The following FRMD8 variants were observed in gnomAD, a reference collection of about 807,000 sequenced individuals.
FRMD8 encodes FERM domain containing 8.
In FRMD8, 37 loss-of-function variants were observed where a neutral mutation model predicts 54.2. That is an observed-to-expected ratio of 0.68 (90% CI 0.53 to 0.90). FRMD8 has a LOEUF of 0.90. Ranked by LOEUF, FRMD8 falls within the 40% of genes least tolerant of loss-of-function variation. The probability of loss-of-function intolerance (pLI) is 0.00; values close to 1 mark genes in which losing one functional copy is unlikely to be tolerated. For missense variants in FRMD8, 585 were observed against 653.7 expected (o/e 0.89, Z 1.15); for synonymous variants, 246 against 286.9 (o/e 0.86, Z 1.44).
At position 65,411,576 on chromosome 11, in the gene FRMD8, C is replaced by A; in HGVS notation, c.*216C>A. ...GGCCTCCTGTAGGGCTCCTCTGCAG[C>A]CTGCCCTCCCTTCCCCCGGATGCTG... On this transcript the variant is annotated 3_prime_UTR_variant, in exon 11 of 11. Transcript: ENST00000317568. 1 of 454,578 alleles carries A rather than the reference C, an allele frequency of 2.2e-6. No individual in the cohort carries two copies. The highest frequency in any genetic ancestry group is 3.9e-6 in the Non-Finnish European group (1 of 253,996). The allele number at this position is 454,578 out of a possible 1,614,324, so 28.2% of individuals were successfully genotyped here.
the FRMD8 span, chr11:65,380,053 G>A: frequency 6.3e-6 from 10 of 1,582,682 alleles, no homozygotes; most frequent in South Asian, 4.4e-5. Context: ...GGCAAGATTA[G>A]CCAGGCCTGA....
chr11:65,376,886 G>A, the FRMD8 span: 13 of 1,614,070 alleles, frequency 8.1e-6, no homozygotes, highest in Middle Eastern at 1.6e-4. Flanking sequence ...GATCCCCACC[G>A]TGGGGGTGTC....
At chr11:65,379,580 G>C in the FRMD8 span, 2 of 1,593,590 alleles carry the variant, frequency 1.3e-6, no homozygotes, top group South Asian at 1.1e-5. Context: ...AGACACAGTG[G>C]CAGCGGAGTA....
At position 65,404,944 on chromosome 11, in the gene FRMD8, G is replaced by A. The variant is rs570873728; in HGVS notation, c.1152G>A (p.Ala384=). ...AGCCCGCAGGCCCCCAGGACAGTGC[G>A]ACTGGCTCGCCCTCGGACCCCAGCT... ...AAEPAGPQDS[A]TGSPSDPSSS... Residue 384 remains alanine (A), a synonymous_variant, in exon 10 of 11, where the codon GCG becomes GCA. Coordinates refer to ENST00000317568, the MANE Select transcript of FRMD8 (RefSeq NM_031904.5). This position sits in a 1 kb window ranked among gnomAD's most constrained non-coding sequence, Gnocchi z 4.7. The A allele has an allele frequency of 3.0e-5, 48 of 1,613,134 alleles. No homozygotes were observed. The highest frequency in any genetic ancestry group is 6.7e-5 in the Admixed American group (4 of 60,004).
Position 65,391,678 on chromosome 11 carries a change from T to A in FRMD8, c.254-1895T>A, listed in dbSNP as rs181095163. Among the ~76,000 whole-genome samples the A allele has an allele frequency of 3.6e-3, 540 of 152,020 alleles. 4 individuals are homozygous for A. The highest frequency in any genetic ancestry group is 0.012 in the African/African-American group (516 of 41,454). ...AGCAAGCGACACCACGCCTGGCTAA[T>A]TTTTGTATTTTTAGTAGAGACGGGG... On this transcript the variant is annotated intron_variant, in intron 3 of 10. Coordinates refer to ENST00000317568, the MANE Select transcript of FRMD8 (RefSeq NM_031904.5).
rs1856063766 is a variant in FRMD8, at chr11:65,400,925, CCAGA to C, written c.1071+61_1071+64del. On this transcript the variant is annotated intron_variant, in intron 9 of 10. Transcript: ENST00000317568. This position sits in a 1 kb window ranked among gnomAD's most constrained non-coding sequence, Gnocchi z 4.3. ...AGGCTGGGCCCAGGTGCCCTGGGTCCCAGACAATTAGAGGCACCAGGCTGGCGGG... is the reference window on the plus strand; with the variant it reads ...AGGCTGGGCCCAGGTGCCCTGGGTCCCAATTAGAGGCACCAGGCTGGCGGG... 8.5e-6 allele frequency: 13 copies of C among 1,523,910 alleles called. No individual in the cohort carries two copies. The South Asian group carries it at 1.7e-4, about 20-fold the overall frequency. The allele number at this position is 1,523,910 out of a possible 1,614,324, so 94.4% of individuals were successfully genotyped here. A position where few individuals can be genotyped will look rare whatever the true frequency, so the allele number is the denominator to read the frequency against.
chr11:65,393,570 C>T lies in FRMD8; in HGVS notation c.254-3C>T. On this transcript the variant is annotated splice_region_variant and splice_polypyrimidine_tract_variant and intron_variant, in intron 3 of 10. Coordinates refer to ENST00000317568, the MANE Select transcript of FRMD8 (RefSeq NM_031904.5). Reference sequence around the variant, plus strand: ...ATGGGCCACTCCCCATCTCGTCCTGCAGAGGTGCAGCTGAAACCCAAGCAC... The same window carrying T: ...ATGGGCCACTCCCCATCTCGTCCTGTAGAGGTGCAGCTGAAACCCAAGCAC... 1 of 1,606,988 alleles carries T rather than the reference C, an allele frequency of 6.2e-7. No individual in the cohort carries two copies. The highest frequency in any genetic ancestry group is 8.5e-7 in the Non-Finnish European group (1 of 1,179,368).
chr11:65,380,166 C>A, the FRMD8 span: 9 of 1,614,200 alleles, frequency 5.6e-6, no homozygotes, highest in Non-Finnish European at 7.6e-6. Flanking sequence ...CAGGACCAAG[C>A]CCAGAGCGCC....
intron 6 of FRMD8, among the ~76,000 whole-genome samples, chr11:65,395,309 G>A (rs139049504): frequency 0.023 from 3,476 of 152,118 alleles, 64 homozygotes; most frequent in Non-Finnish European, 0.036. Context: ...TTGGGAGGCC[G>A]AGGCGGGCAG....
the FRMD8 span, among the ~76,000 whole-genome samples, chr11:65,371,221 T>C: frequency 6.6e-6 from 1 of 152,110 alleles, no homozygotes; most frequent in African/African-American, 2.4e-5. Flanking sequence ...CATCTCGTGG[T>C]TGTGTCATTT....
chr11:65,391,798 A>G (rs1855851390), intron 3 of FRMD8, among the ~76,000 whole-genome samples: 1 of 152,188 alleles, frequency 6.6e-6, no homozygotes, highest in African/African-American at 2.4e-5. Flanking sequence ...GACATGAACC[A>G]TCACGCCCGG....
At chr11:65,409,395 A>T (rs1170392437) in intron 10 of FRMD8, among the ~76,000 whole-genome samples, 1 of 152,078 alleles carries the variant, frequency 6.6e-6, no homozygotes, top group Non-Finnish European at 1.5e-5. Flanking sequence ...CCGATTGCAA[A>T]TTTTTACGTG....
At chr11:65,385,345 A>T (rs961512698), upstream of FRMD8, among the ~76,000 whole-genome samples, 1 of 152,210 alleles carries the variant, frequency 6.6e-6, no homozygotes, top group Non-Finnish European at 1.5e-5. Context: ...TCATGGGCTC[A>T]GCTGTGGGGC....
chr11:65,379,219 G>C, the FRMD8 span: 1 of 793,850 alleles, frequency 1.3e-6, no homozygotes, highest in Non-Finnish European at 2.0e-6. Context: ...CCCTCCCCCA[G>C]AGGCCTGCAG....
chr11:65,395,355 C>T (rs774148733), intron 6 of FRMD8, among the ~76,000 whole-genome samples: 1 of 151,984 alleles, frequency 6.6e-6, no homozygotes, highest in Non-Finnish European at 1.5e-5. Flanking sequence ...CCAGCCTCAA[C>T]GTGGAGAAAC....
At chr11:65,398,605 G>A (rs1463989549) in intron 7 of FRMD8, among the ~76,000 whole-genome samples, 1 of 152,256 alleles carries the variant, frequency 6.6e-6, no homozygotes, top group Admixed American at 6.5e-5. Flanking sequence ...AGCGTGAGCA[G>A]GGATGGAGAC....
the FRMD8 span, among the ~76,000 whole-genome samples, chr11:65,371,642 T>G: frequency 6.6e-6 from 1 of 152,244 alleles, no homozygotes; most frequent in Non-Finnish European, 1.5e-5. Context: ...TGAGACGAAG[T>G]CTCGCTCTGT....
rs1167064233 is a variant in FRMD8 at position 65,413,393 on chromosome 11, TTACG to T, written c.*2035_*2038del. On this transcript the variant is annotated 3_prime_UTR_variant, in exon 11 of 11. Coordinates refer to ENST00000317568, the MANE Select transcript of FRMD8 (RefSeq NM_031904.5). Reference sequence around the variant, plus strand: ...GATGATGTGTTTTCCCTTCAGCTTCTTACGTTTTCTGAGCATCCATTGTGCCTTA... The same window carrying T: ...GATGATGTGTTTTCCCTTCAGCTTCTTTTTCTGAGCATCCATTGTGCCTTA... The T allele has an allele frequency of 2.0e-5, 3 of 152,226 alleles. No individual in the cohort carries two copies. Among genetic ancestry groups the T allele is most frequent in the Non-Finnish European group, 4.4e-5 (3 of 68,034 alleles). 9.4% of individuals were successfully genotyped at this position (152,226 alleles called of 1,614,324 possible). A position where few individuals can be genotyped will look rare whatever the true frequency, so the allele number is the denominator to read the frequency against.
chr11:65,378,318 C>T, the FRMD8 span: 1 of 152,212 alleles, frequency 6.6e-6, no homozygotes, highest in Admixed American at 6.5e-5. Flanking sequence ...TCTTCCCACT[C>T]CACACTAAAA....
Sources: gnomAD v4.1 joint callset for allele counts (sites outside exome capture counted in the v4.1 genomes callset) on GRCh38, gnomAD v4.1.1 for gene constraint, Gnocchi (gnomAD v3.1) non-coding constraint, MANE v1.5 for transcripts, NCBI Gene and HGNC (gene_info 2026-07-23, HGNC 2026-07-21) for gene names.